The following STAG3 variants were observed in gnomAD, a reference collection of about 807,000 sequenced individuals.
The protein encoded by STAG3 is cohesin subunit SA-3.
STAG3 carries 101 observed loss-of-function variants against 160.7 expected under a neutral mutation model. That is an observed-to-expected ratio of 0.63 (90% CI 0.54 to 0.74). The LOEUF is 0.74. Ranked by LOEUF, STAG3 falls within the 30% of genes least tolerant of loss-of-function variation. The probability of loss-of-function intolerance (pLI) is 0.00; values close to 1 mark genes in which losing one functional copy is unlikely to be tolerated. For synonymous variants in STAG3, 519 were observed against 585.0 expected (o/e 0.89, Z 1.63); for missense variants, 1,188 against 1,517.4 (o/e 0.78, Z 3.61).
In STAG3 at chr7:100,189,004, A is replaced by G. The variant is rs376136304; in HGVS notation, c.703A>G (p.Ser235Gly). 121 of 1,614,030 alleles carry G rather than the reference A, an allele frequency of 7.5e-5. No homozygotes were observed. The highest frequency in any genetic ancestry group is 1.6e-4 in the Middle Eastern group (1 of 6,070). Residue 235 changes from serine (S) to glycine (G), a missense_variant, in exon 7 of 34, where the codon AGC (serine) becomes GGC (glycine). Coordinates refer to ENST00000615138, the MANE Select transcript of STAG3 (RefSeq NM_001282717.2). ...DSQVRAFRHTSTLAAMKLMTS... is the reference protein window; with the variant it reads ...DSQVRAFRHTGTLAAMKLMTS... The stretch of plus-strand genomic sequence containing the variant: ...ACAAGTCCGCGCCTTCCGTCACACT[A>G]GCACCCTGGCTGGTGAGCATTCATT...
intron 4 of STAG3, among the ~76,000 whole-genome samples, chr7:100,184,303 C>T (rs1165227390): frequency 2.0e-5 from 3 of 151,556 alleles, no homozygotes; most frequent in Admixed American, 6.6e-5. Context: ...GAGACTTAGC[C>T]TTATGGCCTA....
chr7:100,198,770 T>A lies in STAG3; in HGVS notation c.1353-73T>A, dbSNP rs1232517312. 4 of 1,395,434 alleles carry A rather than the reference T, an allele frequency of 2.9e-6. No individual in the cohort carries two copies. In the Admixed American group the frequency reaches 5.0e-5, roughly 18 times the overall value. 86.4% of individuals were successfully genotyped at this position (1,395,434 alleles called of 1,614,324 possible). A position where few individuals can be genotyped will look rare whatever the true frequency, so the allele number is the denominator to read the frequency against. On this transcript the variant is annotated intron_variant, in intron 13 of 33. Coordinates refer to ENST00000615138, the MANE Select transcript of STAG3 (RefSeq NM_001282717.2). ...TCCTTTATCATCTCCTTGGGCCATC[T>A]CCTCCCTCTGTGGTCGTTACACCTC...
At chr7:100,194,193 C>T (rs571965303) in intron 8 of STAG3, among the ~76,000 whole-genome samples, 13 of 152,284 alleles carry the variant, frequency 8.5e-5, no homozygotes, top group African/African-American at 2.9e-4. Flanking sequence ...ATTTGCCCAC[C>T]TTGGCCACCC....
downstream of STAG3, among the ~76,000 whole-genome samples, chr7:100,216,574 G>A (rs1158671832): frequency 6.6e-6 from 1 of 152,138 alleles, no homozygotes; most frequent in Admixed American, 6.5e-5. Flanking sequence ...GCCAAGGCGG[G>A]CAGATCACGA....
chr7:100,182,163 G>A lies in STAG3; in HGVS notation c.190G>A (p.Ala64Thr). The A allele has an allele frequency of 6.2e-7, 1 of 1,608,578 alleles. No homozygotes were observed. Among genetic ancestry groups the A allele is most frequent in the Non-Finnish European group, 8.5e-7 (1 of 1,178,150 alleles). The change falls in exon 3 of 34, where the codon GCA (alanine) becomes ACA (threonine). Residue 64 changes from alanine to threonine, a missense_variant. Transcript: ENST00000615138. ...DSLNRNVKKR[A>T]AKRPPKTTPV... Reference sequence around the variant, plus strand: ...CTTGAATCGCAATGTGAAGAAGAGAGCAGCAAAACGACCACCGAAAACAAC... The same window carrying A: ...CTTGAATCGCAATGTGAAGAAGAGAACAGCAAAACGACCACCGAAAACAAC...
intron 4 of STAG3, among the ~76,000 whole-genome samples, chr7:100,185,601 C>CAA (rs57953038): frequency 8.1e-5 from 5 of 61,752 alleles, no homozygotes; most frequent in East Asian, 4.7e-4. Flanking sequence ...GACTCCATCT[C>CAA]AAAAAAAAAA....
At chr7:100,190,523 T>C (rs957976776) in intron 8 of STAG3, among the ~76,000 whole-genome samples, 15 of 152,258 alleles carry the variant, frequency 9.9e-5, no homozygotes, top group Non-Finnish European at 2.1e-4. Context: ...TTTTAAATTA[T>C]GTACACTAGT....
At chr7:100,208,951 G>A (rs550126833) in intron 29 of STAG3, among the ~76,000 whole-genome samples, 1 of 152,232 alleles carries the variant, frequency 6.6e-6, no homozygotes, top group Non-Finnish European at 1.5e-5. Context: ...ATTTTAACAG[G>A]TTTATTTGAG....
In STAG3 at chr7:100,211,783, C is replaced by T. The variant is rs771021622; in HGVS notation, c.3519-12C>T. On this transcript the variant is annotated splice_polypyrimidine_tract_variant and intron_variant, in intron 31 of 33. Coordinates refer to ENST00000615138, the MANE Select transcript of STAG3 (RefSeq NM_001282717.2). ...ACAGTTTGAAAAGCCAGTCTCTTTG[C>T]CCCTACATCAGACTCAGCCTTATGG... 5 of 1,613,302 alleles carry T rather than the reference C, an allele frequency of 3.1e-6. No individual in the cohort carries two copies. Among genetic ancestry groups the T allele is most frequent in the Non-Finnish European group, 4.2e-6 (5 of 1,179,564 alleles).
intron 18 of STAG3, 109 bp downstream of exon 18, chr7:100,200,651 C>G: frequency 3.3e-6 from 5 of 1,530,532 alleles, no homozygotes; most frequent in South Asian, 1.2e-5. Flanking sequence ...AATCAGCAAG[C>G]CTTTTCTTAG....
Position 100,188,511 on chromosome 7 carries a change from A to G in STAG3, c.492A>G (p.Leu164=). ...KMSNSEIIQH[L]TEQFNEDSGD... ...CCAACTCAGAGATCATCCAGCACCT[A>G]ACAGAGCAGTTTAATGAGGTGGAAG... The change falls in exon 6 of 34, where the codon CTA becomes CTG. Residue 164 remains leucine (L), a synonymous_variant. Coordinates refer to ENST00000615138, the MANE Select transcript of STAG3 (RefSeq NM_001282717.2). 6.2e-7 allele frequency: 1 copy of G among 1,613,434 alleles called. No individual in the cohort carries two copies. The highest frequency in any genetic ancestry group is 8.5e-7 in the Non-Finnish European group (1 of 1,179,324).
chr7:100,217,871 A>G (rs1321467823), downstream of STAG3, among the ~76,000 whole-genome samples: 1 of 151,960 alleles, frequency 6.6e-6, no homozygotes, highest in Non-Finnish European at 1.5e-5. Flanking sequence ...AGAGCGGAAC[A>G]TGAAAGTGAA....
chr7:100,211,779 T>C lies in STAG3; in HGVS notation c.3519-16T>C. The C allele has an allele frequency of 6.2e-7, 1 of 1,613,402 alleles. No individual in the cohort carries two copies. The highest frequency in any genetic ancestry group is 1.3e-5 in the African/African-American group (1 of 74,992). ...AAGAACAGTTTGAAAAGCCAGTCTC[T>C]TTGCCCCTACATCAGACTCAGCCTT... On this transcript the variant is annotated splice_polypyrimidine_tract_variant and intron_variant, in intron 31 of 33. Transcript: ENST00000615138.
Position 100,201,981 on chromosome 7 carries a change from G to A in STAG3, c.2334G>A (p.Val778=), listed in dbSNP as rs1801173070. Residue 778 remains valine, a synonymous_variant, in exon 23 of 34, where the codon GTG becomes GTA. Transcript: ENST00000615138. ...KQLSSLRDRM[V]AFCELCQSCL... is the part of the protein sequence containing the mutation. ...TGTCGAGTTTGAGGGACAGAATGGT[G>A]GCCTTCTGTGAACTCTGCCAGAGTT... 6.2e-7 allele frequency: 1 copy of A among 1,614,034 alleles called. No homozygotes were observed. Among genetic ancestry groups the A allele is most frequent in the African/African-American group, 1.3e-5 (1 of 74,916 alleles).
At chr7:100,181,488 C>G (rs1475424088) in intron 2 of STAG3, 2 of 152,184 alleles carry the variant, frequency 1.3e-5, no homozygotes, top group African/African-American at 4.8e-5. Context: ...AGATGACTTC[C>G]TGAGCCATGA....
At chr7:100,205,723 A>T (rs1198395532) in intron 29 of STAG3, among the ~76,000 whole-genome samples, 3 of 151,532 alleles carry the variant, frequency 2.0e-5, no homozygotes, top group East Asian at 2.0e-4. Flanking sequence ...CCAACTACTC[A>T]GGAGGCTGAG....
At position 100,202,049 on chromosome 7, in the gene STAG3, C is replaced by T. The variant is rs1485766766; in HGVS notation, c.2394+8C>T. ...ACTGAGATCCAGGAGCAGGTGAGTA[C>T]TGACTCAAGTGGGAGCAACAAGGCG... On this transcript the variant is annotated splice_region_variant and intron_variant, in intron 23 of 33. Transcript: ENST00000615138. The T allele has an allele frequency of 6.2e-7, 1 of 1,614,104 alleles. No individual in the cohort carries two copies. The highest frequency in any genetic ancestry group is 8.5e-7 in the Non-Finnish European group (1 of 1,179,980).
chr7:100,202,332 T>G lies in STAG3; in HGVS notation c.2555T>G (p.Leu852Arg). The part of the protein sequence containing the change: ...MDHVFIQPGD[L>R]GSGDSQEDHL... ...CACGTCTTCATCCAGCCGGGAGACC[T>G]GGGCAGTGGTGCAGTGACTCTATAC... is the stretch of plus-strand genomic sequence containing the variant. Residue 852 changes from leucine to arginine, a missense_variant, in exon 24 of 34, where the codon CTG (leucine) becomes CGG (arginine). By Grantham distance (102) the Leu-to-Arg change is moderately radical. Transcript: ENST00000615138. 6.2e-7 allele frequency: 1 copy of G among 1,614,056 alleles called. No individual in the cohort carries two copies. The highest frequency in any genetic ancestry group is 1.3e-5 in the African/African-American group (1 of 75,028).
At chr7:100,192,305 A>C (rs1355959494) in intron 8 of STAG3, among the ~76,000 whole-genome samples, 1 of 152,174 alleles carries the variant, frequency 6.6e-6, no homozygotes, top group Non-Finnish European at 1.5e-5. Context: ...CAGGTGGACT[A>C]CGTGAGGTGA....
Sources: gnomAD v4.1 joint callset for allele counts (sites outside exome capture counted in the v4.1 genomes callset) on GRCh38, gnomAD v4.1.1 for gene constraint, MANE v1.5 for transcripts, NCBI Gene and HGNC (gene_info 2026-07-23, HGNC 2026-07-21) for gene names.